The following N4BP1 variants were observed in gnomAD, a reference collection of about 807,000 sequenced individuals.
N4BP1 encodes the protein NEDD4-binding protein 1.
N4BP1 carries 21 observed loss-of-function variants against 70.9 expected under a neutral mutation model. That is an observed-to-expected ratio of 0.30 (90% CI 0.21 to 0.43). The LOEUF is 0.43. Ranked by LOEUF, N4BP1 falls within the 20% of genes least tolerant of loss-of-function variation. N4BP1 has a pLI of 1.00. For missense variants in N4BP1, 936 were observed against 1,069.4 expected, an observed-to-expected ratio of 0.88 and a Z score of 1.74; for synonymous variants, 387 against 394.6, an observed-to-expected ratio of 0.98 and a Z score of 0.23.
intron 2 of N4BP1, among the ~76,000 whole-genome samples, chr16:48,557,914 T>TA (rs1963779745): frequency 6.6e-6 from 1 of 152,200 alleles, no homozygotes; most frequent in East Asian, 1.9e-4. Context: ...TCAAAGTTTA[T>TA]TCACACTTAA....
chr16:48,559,749 T>C (rs1963824965), intron 2 of N4BP1: 1 of 152,252 alleles, frequency 6.6e-6, no homozygotes, highest in Non-Finnish European at 1.5e-5. Context: ...TTTCTGCCTA[T>C]AAATACTGCC....
intron 1 of N4BP1, among the ~76,000 whole-genome samples, chr16:48,573,530 T>C (rs1597101900): frequency 6.6e-6 from 1 of 151,134 alleles, no homozygotes; most frequent in African/African-American, 2.4e-5. Context: ...GAGGCGGAGG[T>C]TGCAGTGAGC....
At chr16:48,591,887 T>TG (rs1446650025) in intron 1 of N4BP1, among the ~76,000 whole-genome samples, 1 of 60,342 alleles carries the variant, frequency 1.7e-5, no homozygotes, top group Admixed American at 1.4e-4. Flanking sequence ...TTACCTGACG[T>TG]TTTTTTTTTT....
rs528442256 is a variant in N4BP1 at position 48,554,553 on chromosome 16, A to G, written c.1890-884T>C. On this transcript the variant is annotated intron_variant, in intron 2 of 6. Transcript: ENST00000262384. ...AAATTCTGCAGGTGGTAATTTGTCT[A>G]CTCATGGGTATTAGAAAGAAAAAAA... 3.3e-5 allele frequency among the ~76,000 whole-genome samples: 5 copies of G among 152,266 alleles called. No homozygotes were observed. In the East Asian group the frequency reaches 7.7e-4, roughly 24 times the overall value.
At chr16:48,608,590 T>C (rs1470516782) in intron 1 of N4BP1, among the ~76,000 whole-genome samples, 1 of 151,986 alleles carries the variant, frequency 6.6e-6, no homozygotes, top group East Asian at 1.9e-4. Context: ...ACTTAGGAGA[T>C]GGAAAAACCT....
intron 1 of N4BP1, among the ~76,000 whole-genome samples, chr16:48,582,576 A>G (rs894112794): frequency 6.6e-6 from 1 of 152,240 alleles, no homozygotes; most frequent in African/African-American, 2.4e-5. Flanking sequence ...TCCACTTAAT[A>G]AGAAACTAAC....
chr16:48,597,958 A>G (rs896001078), intron 1 of N4BP1, among the ~76,000 whole-genome samples: 1 of 152,220 alleles, frequency 6.6e-6, no homozygotes, highest in Non-Finnish European at 1.5e-5. Flanking sequence ...ATGGCTATAC[A>G]TGATCCAGAC....
chr16:48,600,892 G>C (rs1334688966), intron 1 of N4BP1, among the ~76,000 whole-genome samples: 1 of 152,168 alleles, frequency 6.6e-6, no homozygotes, highest in African/African-American at 2.4e-5. Flanking sequence ...AGTGAATTGT[G>C]GATGTAAAAT....
In N4BP1 at chr16:48,594,001, C is replaced by CAAAAAAA. The variant is rs750355255; in HGVS notation, c.198+15767_198+15773dup. 5.4e-4 allele frequency among the ~76,000 whole-genome samples: 23 copies of CAAAAAAA among 42,518 alleles called. 3 individuals are homozygous for CAAAAAAA. The highest frequency in any genetic ancestry group is 1.1e-3 in the African/African-American group (12 of 11,338). 27.9% of individuals were successfully genotyped at this position (42,518 alleles called of 152,430 possible). ...TGGGTGCCAGAGCAAGACTCCGTCT[C>CAAAAAAA]AAAAAAAAAAAAAAAAACAAAAAAA... On this transcript the variant is annotated intron_variant, in intron 1 of 6. Coordinates refer to ENST00000262384, the MANE Select transcript of N4BP1 (RefSeq NM_153029.4).
intron 2 of N4BP1, among the ~76,000 whole-genome samples, chr16:48,558,208 C>T (rs977476383): frequency 1.3e-5 from 2 of 149,588 alleles, no homozygotes; most frequent in African/African-American, 2.5e-5. Flanking sequence ...TAAAGTAACA[C>T]ATTCTCTTGT....
intron 1 of N4BP1, among the ~76,000 whole-genome samples, chr16:48,594,700 T>C (rs561601661): frequency 1.2e-4 from 19 of 152,302 alleles, no homozygotes; most frequent in African/African-American, 4.3e-4. Flanking sequence ...AAATATAAAA[T>C]GGTATTTAAT....
At chr16:48,605,068 C>T (rs1157932302) in intron 1 of N4BP1, among the ~76,000 whole-genome samples, 1 of 151,446 alleles carries the variant, frequency 6.6e-6, no homozygotes, top group Non-Finnish European at 1.5e-5. Flanking sequence ...GTTTTGCTCT[C>T]GTTGCCCAGG....
At position 48,541,136 on chromosome 16, in the gene N4BP1, C is replaced by T. The variant is rs1963492234; in HGVS notation, c.*1768G>A. On this transcript the variant is annotated 3_prime_UTR_variant, in exon 7 of 7. Transcript: ENST00000262384. Reference sequence around the variant, plus strand: ...CTCAGCCTGGCAGTAAGGGCATTTCCTGGGTTTCCTCTGAAGCAGAGGAGA... The same window carrying T: ...CTCAGCCTGGCAGTAAGGGCATTTCTTGGGTTTCCTCTGAAGCAGAGGAGA... The T allele has an allele frequency of 6.6e-6, 1 of 152,296 alleles. No homozygotes were observed. The highest frequency in any genetic ancestry group is 1.5e-5 in the Non-Finnish European group (1 of 68,080). The allele number at this position is 152,296 out of a possible 1,614,324, so 9.4% of individuals were successfully genotyped here.
rs532795660 is a variant in N4BP1 at position 48,560,991 on chromosome 16, G to C, written c.1652C>G (p.Ser551Cys). The C allele has an allele frequency of 3.1e-6, 5 of 1,613,860 alleles. No individual in the cohort carries two copies. The highest frequency in any genetic ancestry group is 3.4e-6 in the Non-Finnish European group (4 of 1,179,882). ...ACEKRLGCCS[S>C]PHSKPNCSTL... ...TGAGCAATTTGGCTTAGAATGAGGA[G>C]AACTACAACATCCTAAACGTTTTTC... The change falls in exon 2 of 7, where the codon TCT becomes TGT. Residue 551 changes from serine to cysteine, a missense_variant. By Grantham distance (112) the Ser-to-Cys change is moderately radical (BLOSUM62 -1). Around this residue, in one of 4 missense-constraint regions of N4BP1, gnomAD observed 515 missense variants for 491.7 expected, o/e 1.05. Coordinates refer to ENST00000262384, the MANE Select transcript of N4BP1 (RefSeq NM_153029.4).
At chr16:48,605,824 T>A (rs1288049925) in intron 1 of N4BP1, among the ~76,000 whole-genome samples, 1 of 152,034 alleles carries the variant, frequency 6.6e-6, no homozygotes, top group African/African-American at 2.4e-5. Flanking sequence ...GCAGGTAAAA[T>A]CCATGTTCTT....
chr16:48,594,530 T>C (rs1368401716), intron 1 of N4BP1, among the ~76,000 whole-genome samples: 1 of 152,064 alleles, frequency 6.6e-6, no homozygotes, highest in Admixed American at 6.6e-5. Context: ...AATTTTTGTA[T>C]TTTTTGGTAG....
At chr16:48,567,651 AGTTTTT>A (rs1243641701) in intron 1 of N4BP1, among the ~76,000 whole-genome samples, 1 of 152,208 alleles carries the variant, frequency 6.6e-6, no homozygotes, top group Non-Finnish European at 1.5e-5. Flanking sequence ...CTCTTCATAT[AGTTTTT>A]AAGTGGTGAT....
intron 1 of N4BP1, among the ~76,000 whole-genome samples, chr16:48,581,886 T>C (rs372395056): frequency 3.9e-5 from 6 of 152,006 alleles, no homozygotes; most frequent in East Asian, 1.9e-4. Context: ...CTTCACGACA[T>C]TGGTCTGGAC....
intron 1 of N4BP1, among the ~76,000 whole-genome samples, chr16:48,596,933 A>T (rs554402354): frequency 2.2e-4 from 34 of 152,322 alleles, no homozygotes; most frequent in African/African-American, 8.2e-4. Flanking sequence ...CAGACCCTGC[A>T]GTCAATGGAT....
Sources: allele counts gnomAD v4.1 joint callset (sites outside exome capture counted in the v4.1 genomes callset), GRCh38; gene constraint gnomAD v4.1.1; regional missense constraint gnomAD v4.1.1; transcripts MANE v1.5; gene names NCBI Gene and HGNC (gene_info 2026-07-23, HGNC 2026-07-21).